Variants in STARD13 observed in about 807,000 individuals in gnomAD.
STARD13 encodes the protein StAR related lipid transfer domain containing 13, also known as stAR-related lipid transfer protein 13.
STARD13 carries 62 observed loss-of-function variants against 106.4 expected under a neutral mutation model. That is an observed-to-expected ratio of 0.58 (90% CI 0.48 to 0.72). The LOEUF is 0.72. Ranked by LOEUF, STARD13 falls within the 30% of genes least tolerant of loss-of-function variation. STARD13 has a pLI of 0.00. For missense variants in STARD13, 1,387 were observed against 1,424.0 expected (o/e 0.97, Z 0.42); for synonymous variants, 565 against 553.0 (o/e 1.02, Z -0.31).
At chr13:33,123,032 G>T (rs1214849499) in intron 7 of STARD13, among the ~76,000 whole-genome samples, 1 of 132,488 alleles carries the variant, frequency 7.5e-6, no homozygotes, top group Non-Finnish European at 1.6e-5. Flanking sequence ...CTCCAGCCTG[G>T]GTGACAGAGC....
intron 1 of STARD13, among the ~76,000 whole-genome samples, chr13:33,282,144 T>A (rs1238723072): frequency 2.0e-5 from 3 of 151,982 alleles, no homozygotes; most frequent in Non-Finnish European, 4.4e-5. Flanking sequence ...TTATTTCCAT[T>A]CTCTCTCTCT....
At chr13:33,444,249 G>T in the STARD13 span, among the ~76,000 whole-genome samples, 2 of 152,120 alleles carry the variant, frequency 1.3e-5, no homozygotes, top group Non-Finnish European at 2.9e-5. Context: ...GTGGCTTGGA[G>T]CAGGTAAGTG....
intron 1 of STARD13, among the ~76,000 whole-genome samples, chr13:33,190,767 G>A (rs1886199340): frequency 6.6e-6 from 1 of 151,902 alleles, no homozygotes; most frequent in Admixed American, 6.6e-5. Context: ...TTGTATTTTA[G>A]CAGAGATGGA....
intron 1 of STARD13, chr13:33,186,067 T>C: frequency 6.2e-7 from 1 of 1,607,612 alleles, no homozygotes; most frequent in Non-Finnish European, 8.5e-7. Flanking sequence ...GATAGTCCTC[T>C]CTCATGTTTC....
chr13:33,241,374 T>A (rs1200777463), intron 1 of STARD13, among the ~76,000 whole-genome samples: 1 of 152,192 alleles, frequency 6.6e-6, no homozygotes, highest in Non-Finnish European at 1.5e-5. Flanking sequence ...CCGTAATTGA[T>A]ATTAATGCAG....
At chr13:33,567,796 A>C in the STARD13 span, among the ~76,000 whole-genome samples, 1 of 147,966 alleles carries the variant, frequency 6.8e-6, no homozygotes, top group African/African-American at 2.5e-5. Flanking sequence ...AATTTTAAGC[A>C]TGGGGTCAAA....
the STARD13 span, among the ~76,000 whole-genome samples, chr13:33,633,133 T>C: frequency 0.031 from 4,693 of 152,332 alleles, 191 homozygotes; most frequent in East Asian, 0.16. Flanking sequence ...GGCTGTAGTA[T>C]TCAGCATGCC....
At chr13:33,292,265 T>G (rs1034385433) in intron 1 of STARD13, among the ~76,000 whole-genome samples, 6 of 151,784 alleles carry the variant, frequency 4.0e-5, no homozygotes, top group African/African-American at 1.5e-4. Flanking sequence ...AACAAAACAG[T>G]GGTCAAGATA....
intron 1 of STARD13, among the ~76,000 whole-genome samples, chr13:33,257,244 T>A (rs1198147488): frequency 6.6e-6 from 1 of 152,080 alleles, no homozygotes; most frequent in Non-Finnish European, 1.5e-5. Context: ...GGGAACTAAA[T>A]CTTGGGAAAC....
chr13:33,362,007 C>T, the STARD13 span, among the ~76,000 whole-genome samples: 2 of 152,164 alleles, frequency 1.3e-5, no homozygotes, highest in Admixed American at 1.3e-4. Flanking sequence ...TATTTTTATA[C>T]ATCATTTTGC....
At chr13:33,592,165 T>C in the STARD13 span, among the ~76,000 whole-genome samples, 1 of 152,134 alleles carries the variant, frequency 6.6e-6, no homozygotes, top group South Asian at 2.1e-4. Context: ...CAAAGGCAAA[T>C]GGTTTGTTGC....
the STARD13 span, among the ~76,000 whole-genome samples, chr13:33,509,898 C>T: frequency 5.0e-3 from 767 of 152,254 alleles, 8 homozygotes; most frequent in South Asian, 0.019. Context: ...GTCCATCTGA[C>T]GCATAGCTGT....
chr13:33,308,520 C>CTTTTTTTTTTTTTTTTTTTTTTTGTT (rs552526416), intron 1 of STARD13, among the ~76,000 whole-genome samples: 1 of 88,554 alleles, frequency 1.1e-5, no homozygotes, highest in Non-Finnish European at 2.1e-5. Context: ...CTTTTTCTTT[C>CTTTTTTTTTTTTTTTTTTTTTTTGTT]TTTTTTTTTT....
At chr13:33,492,565 T>C in the STARD13 span, among the ~76,000 whole-genome samples, 1 of 152,134 alleles carries the variant, frequency 6.6e-6, no homozygotes, top group African/African-American at 2.4e-5. Flanking sequence ...AAGATGGCAA[T>C]AAGAGTCATC....
the STARD13 span, among the ~76,000 whole-genome samples, chr13:33,577,956 G>A: frequency 6.6e-6 from 1 of 152,088 alleles, no homozygotes; most frequent in African/African-American, 2.4e-5. Flanking sequence ...AGCATATAAA[G>A]GTCTCTACAA....
chr13:33,559,468 G>A, the STARD13 span, among the ~76,000 whole-genome samples: 1 of 151,470 alleles, frequency 6.6e-6, no homozygotes, highest in Non-Finnish European at 1.5e-5. Context: ...AACTCCCAAT[G>A]TGATGATATT....
At chr13:33,660,444 T>C in the STARD13 span, among the ~76,000 whole-genome samples, 1 of 152,238 alleles carries the variant, frequency 6.6e-6, no homozygotes, top group Non-Finnish European at 1.5e-5. Flanking sequence ...TGTTTGCCTT[T>C]GGCCTTCCCT....
upstream of STARD13, among the ~76,000 whole-genome samples, chr13:33,286,198 C>G (rs1267503865): frequency 6.6e-6 from 1 of 152,108 alleles, no homozygotes; most frequent in African/African-American, 2.4e-5. Flanking sequence ...AAACAAGCAT[C>G]AACAGCTGAG....
At chr13:33,148,369 A>C (rs1880829224) in intron 3 of STARD13, among the ~76,000 whole-genome samples, 1 of 152,224 alleles carries the variant, frequency 6.6e-6, no homozygotes, top group African/African-American at 2.4e-5. Context: ...AAGAACCCTT[A>C]AAACTCAACA....
Sources: gnomAD v4.1 joint callset for allele counts (sites outside exome capture counted in the v4.1 genomes callset) on GRCh38, gnomAD v4.1.1 for gene constraint, MANE v1.5 for transcripts, NCBI Gene and HGNC (gene_info 2026-07-23, HGNC 2026-07-21) for gene names.